The following ARMC2 variants were observed in gnomAD, a reference collection of about 807,000 sequenced individuals.
The protein encoded by ARMC2 is armadillo repeat-containing protein 2.
ARMC2 carries 67 observed loss-of-function variants against 90.3 expected under a neutral mutation model. That is an observed-to-expected ratio of 0.74 (90% CI 0.61 to 0.91). The LOEUF is 0.91. ARMC2 is among the 40% of genes least tolerant of loss of function. ARMC2 has a pLI of 0.00. For missense variants in ARMC2, 920 were observed against 1,030.9 expected (o/e 0.89, Z 1.47); for synonymous variants, 393 against 393.0 (o/e 1.00, Z 0.00).
the ARMC2 span, among the ~76,000 whole-genome samples, chr6:109,031,660 G>C: frequency 1.3e-5 from 2 of 152,184 alleles, no homozygotes; most frequent in Non-Finnish European, 2.9e-5. Flanking sequence ...CAGTGAGCTA[G>C]CCAGTCTCCC....
At chr6:108,920,817 C>G (rs1351388693) in intron 10 of ARMC2, among the ~76,000 whole-genome samples, 2 of 152,080 alleles carry the variant, frequency 1.3e-5, no homozygotes, top group Non-Finnish European at 2.9e-5. Flanking sequence ...GATGGCAGCT[C>G]ACTTCTAAAA....
chr6:108,928,024 G>C, intron 10 of ARMC2, 64 bp from the exon 11 acceptor site: 1 of 1,483,726 alleles, frequency 6.7e-7, no homozygotes, highest in Non-Finnish European at 9.1e-7. Context: ...ATTGTACTAT[G>C]CTGTTTCGTG....
chr6:108,958,099 G>A (rs1583213558), intron 13 of ARMC2, among the ~76,000 whole-genome samples: 4 of 152,232 alleles, frequency 2.6e-5, no homozygotes, highest in Admixed American at 2.6e-4. Flanking sequence ...GATGGTATTT[G>A]GAGATGGGGC....
the ARMC2 span, chr6:108,998,777 A>T: frequency 6.3e-7 from 1 of 1,587,972 alleles, no homozygotes; most frequent in Admixed American, 1.8e-5. Flanking sequence ...AAAAAAAAAG[A>T]ATATATTTTT....
the ARMC2 span, among the ~76,000 whole-genome samples, chr6:108,993,631 T>C: frequency 6.6e-5 from 10 of 152,326 alleles, no homozygotes; most frequent in East Asian, 5.8e-4. Flanking sequence ...CTCCTTTAAA[T>C]TACCTGGTTT....
chr6:108,900,362 A>C (rs553709728), intron 7 of ARMC2, among the ~76,000 whole-genome samples: 18 of 152,332 alleles, frequency 1.2e-4, no homozygotes, highest in Admixed American at 1.1e-3. Context: ...CTGCAAGGGT[A>C]GGGAAAGCGT....
chr6:108,988,473 T>A, the ARMC2 span: 4 of 1,359,492 alleles, frequency 2.9e-6, no homozygotes, highest in Non-Finnish European at 4.0e-6. Flanking sequence ...TTCAGCACCA[T>A]TAGGTTAGGT....
chr6:108,912,705 C>T, intron 10 of ARMC2, 147 bp downstream of exon 10: 1 of 686,922 alleles, frequency 1.5e-6, no homozygotes. Context: ...CCCACCTCCA[C>T]CCCATGAGGG....
intron 5 of ARMC2, among the ~76,000 whole-genome samples, chr6:108,891,035 A>C (rs1770973930): frequency 2.6e-5 from 4 of 151,544 alleles, no homozygotes; most frequent in African/African-American, 4.9e-5. Context: ...GTTTGCTGAG[A>C]ATGATGGTTT....
rs772147756 is a variant in ARMC2, at chr6:108,912,550, C to G, written c.1342C>G (p.Leu448Val). The change falls in exon 10 of 18, where the codon CTA becomes GTA. Residue 448 changes from leucine (L) to valine (V), a missense_variant. Leu to Val is a conservative substitution (Grantham distance 32). Transcript: ENST00000392644. ...ATTTTTGCCTAATTCGGGCCACTTG[C>G]TAGTCCAGGTAAGTATTTTACTTGA... ...GTFLPNSGHLLVQVTATLRNL... is the reference protein window; with the variant it reads ...GTFLPNSGHLVVQVTATLRNL... The G allele has an allele frequency of 1.2e-6, 2 of 1,611,086 alleles. No individual in the cohort carries two copies. Among genetic ancestry groups the G allele is most frequent in the Non-Finnish European group, 1.7e-6 (2 of 1,177,632 alleles).
At chr6:109,027,802 C>T in the ARMC2 span, among the ~76,000 whole-genome samples, 1 of 152,126 alleles carries the variant, frequency 6.6e-6, no homozygotes, top group African/African-American at 2.4e-5. Context: ...TTTTAATTTG[C>T]ATTTCCTTGA....
Position 108,875,066 on chromosome 6 carries a change from C to A in ARMC2, c.464-1077C>A, listed in dbSNP as rs576132015. On this transcript the variant is annotated intron_variant, in intron 4 of 17. Transcript: ENST00000392644. ...TTTTCTACATGCAGCTCATCCCCACCCCCGCACACTGTATTATGGGAGATT... is the reference window on the plus strand; with the variant it reads ...TTTTCTACATGCAGCTCATCCCCACACCCGCACACTGTATTATGGGAGATT... 2.0e-5 allele frequency among the ~76,000 whole-genome samples: 3 copies of A among 152,206 alleles called. No homozygotes were observed. The South Asian group carries it at 6.2e-4, about 32-fold the overall frequency.
the ARMC2 span, among the ~76,000 whole-genome samples, chr6:109,037,513 A>C: frequency 1.3e-5 from 2 of 152,320 alleles, no homozygotes; most frequent in East Asian, 3.9e-4. Context: ...TTCAGCATCT[A>C]GTCCAATGTG....
rs775663167 is a variant in ARMC2 at position 108,973,520 on chromosome 6, T to C, written c.*6T>C. The C allele has an allele frequency of 1.2e-5, 20 of 1,606,576 alleles. No homozygotes were observed. The highest frequency in any genetic ancestry group is 1.6e-5 in the Non-Finnish European group (19 of 1,175,614). On this transcript the variant is annotated 3_prime_UTR_variant, in exon 18 of 18. Transcript: ENST00000392644. ...TGCCCATTCCCTCTTTCTAACATGA[T>C]GCAGATTAACAGTAGAAACGAGAAC...
chr6:108,990,459 G>A, the ARMC2 span, among the ~76,000 whole-genome samples: 13 of 152,188 alleles, frequency 8.5e-5, no homozygotes, highest in Admixed American at 8.5e-4. Context: ...TGCCTAGCTA[G>A]GAAAGAGAAG....
At chr6:108,939,819 T>C (rs1776287715) in intron 12 of ARMC2, among the ~76,000 whole-genome samples, 1 of 152,228 alleles carries the variant, frequency 6.6e-6, no homozygotes, top group Non-Finnish European at 1.5e-5. Context: ...TCACTAAACT[T>C]AATCATTGTG....
the ARMC2 span, among the ~76,000 whole-genome samples, chr6:108,992,129 C>T: frequency 2.6e-5 from 4 of 152,060 alleles, no homozygotes; most frequent in African/African-American, 7.2e-5. Context: ...GACAGGATCC[C>T]ACTCTGTCAC....
chr6:109,002,847 C>T, the ARMC2 span, among the ~76,000 whole-genome samples: 2 of 152,162 alleles, frequency 1.3e-5, no homozygotes, highest in African/African-American at 2.4e-5. Flanking sequence ...ACTAAATTCA[C>T]AAGAGACAGC....
At chr6:108,939,154 A>G (rs772866576) in intron 12 of ARMC2, among the ~76,000 whole-genome samples, 2 of 152,224 alleles carry the variant, frequency 1.3e-5, no homozygotes, top group Non-Finnish European at 2.9e-5. Context: ...ATAAAATTTT[A>G]CTATACTTTT....
Sources: gnomAD v4.1 joint callset for allele counts (sites outside exome capture counted in the v4.1 genomes callset) on GRCh38, gnomAD v4.1.1 for gene constraint, MANE v1.5 for transcripts, NCBI Gene and HGNC (gene_info 2026-07-23, HGNC 2026-07-21) for gene names.